Variants in WDR45B observed in about 807,000 individuals in gnomAD.
WDR45B encodes the protein WD repeat domain phosphoinositide-interacting protein 3.
In WDR45B, 20 loss-of-function variants were observed where a neutral mutation model predicts 44.6. That is an observed-to-expected ratio of 0.45 (90% CI 0.32 to 0.65). The LOEUF (loss-of-function observed/expected upper bound fraction) is 0.65, where lower values mean the gene tolerates loss of function less well. WDR45B is among the 30% of genes least tolerant of loss of function. The pLI, the probability that WDR45B is intolerant of heterozygous loss-of-function variation, is 0.05. For missense variants in WDR45B, 323 were observed against 430.2 expected, an observed-to-expected ratio of 0.75 and a Z score of 2.20; for synonymous variants, 169 against 164.9, an observed-to-expected ratio of 1.02 and a Z score of -0.19.
At chr17:82,632,983 T>G (rs1162881735) in intron 2 of WDR45B, among the ~76,000 whole-genome samples, 1 of 152,056 alleles carries the variant, frequency 6.6e-6, no homozygotes, top group Non-Finnish European at 1.5e-5. Context: ...GCCAACATAG[T>G]GAAACTCCGT....
chr17:82,620,643 C>T (rs1028741025), intron 6 of WDR45B, among the ~76,000 whole-genome samples: 1 of 152,126 alleles, frequency 6.6e-6, no homozygotes, highest in African/African-American at 2.4e-5. Context: ...CACCGGCTTG[C>T]GGTCTCACCT....
At chr17:82,625,295 T>A in intron 5 of WDR45B, 94 bp downstream of exon 5, 1 of 1,283,374 alleles carries the variant, frequency 7.8e-7, no homozygotes, top group Non-Finnish European at 1.1e-6. Context: ...GCCAAGCACT[T>A]TGCTCAGAGA....
At position 82,644,108 on chromosome 17, in the gene WDR45B, G is replaced by C. The variant is rs966465274; in HGVS notation, c.68-85C>G. ...GGTCTGGAGAAATGACAACTACTGA[G>C]AACTCTTGCAGATGCTCAAACCACA... On this transcript the variant is annotated intron_variant, in intron 1 of 9. Coordinates refer to ENST00000392325, the MANE Select transcript of WDR45B (RefSeq NM_019613.4). The C allele has an allele frequency of 4.5e-6, 6 of 1,324,030 alleles. No individual in the cohort carries two copies. In the African/African-American group the frequency reaches 8.8e-5, roughly 19 times the overall value. The allele number at this position is 1,324,030 out of a possible 1,614,324, so 82.0% of individuals were successfully genotyped here.
intron 2 of WDR45B, among the ~76,000 whole-genome samples, chr17:82,631,286 T>TTTA (rs1361969933): frequency 7.0e-6 from 1 of 142,408 alleles, no homozygotes; most frequent in Non-Finnish European, 1.5e-5. Context: ...CATTTTTTTT[T>TTTA]TTTTTTTTTT....
rs2143230757 is a variant in WDR45B at position 82,615,573 on chromosome 17, T to C, written c.*346A>G. 2 of 367,180 alleles carry C rather than the reference T, an allele frequency of 5.4e-6. No homozygotes were observed. The highest frequency in any genetic ancestry group is 5.4e-5 in the South Asian group (2 of 36,836). 22.7% of individuals were successfully genotyped at this position (367,180 alleles called of 1,614,324 possible). A position where few individuals can be genotyped will look rare whatever the true frequency, so the allele number is the denominator to read the frequency against. ...TGCTGCAAAAACAAACCTGAACTCG[T>C]CCACCCTCTCAGCCCAGTCCCCAGG... is the stretch of plus-strand genomic sequence containing the variant. On this transcript the variant is annotated 3_prime_UTR_variant, in exon 10 of 10. Transcript: ENST00000392325.
At chr17:82,639,849 C>A (rs1194173739) in intron 2 of WDR45B, among the ~76,000 whole-genome samples, 4 of 117,864 alleles carry the variant, frequency 3.4e-5, no homozygotes, top group Non-Finnish European at 5.1e-5. Flanking sequence ...GGCTGTGTGT[C>A]GGGTCAGGTG....
At chr17:82,618,480 T>G (rs1279664629) in intron 7 of WDR45B, among the ~76,000 whole-genome samples, 2 of 152,060 alleles carry the variant, frequency 1.3e-5, no homozygotes, top group Non-Finnish European at 2.9e-5. Flanking sequence ...AGAGCGCTGG[T>G]GACGAGATGA....
At position 82,630,808 on chromosome 17, in the gene WDR45B, A is replaced by G. The variant is rs996516904; in HGVS notation, c.244+113T>C. 16 of 1,070,546 alleles carry G rather than the reference A, an allele frequency of 1.5e-5. No homozygotes were observed. In the Admixed American group the frequency reaches 1.7e-4, roughly 11 times the overall value. The allele number at this position is 1,070,546 out of a possible 1,614,324, so 66.3% of individuals were successfully genotyped here. A position where few individuals can be genotyped will look rare whatever the true frequency, so the allele number is the denominator to read the frequency against. On this transcript the variant is annotated intron_variant, in intron 3 of 9. Coordinates refer to ENST00000392325, the MANE Select transcript of WDR45B (RefSeq NM_019613.4). ...CTTCCTCCCCAGTGACCAGTCCTGG[A>G]TATTTCACAGAACTACTAGGGAAAA...
chr17:82,648,255 C>G lies in WDR45B; in HGVS notation c.67+19G>C. The G allele has an allele frequency of 6.2e-7, 1 of 1,600,260 alleles. No individual in the cohort carries two copies. Among genetic ancestry groups the G allele is most frequent in the Non-Finnish European group, 8.5e-7 (1 of 1,175,464 alleles). ...GGGAAGGCCCGGCCGGGCAAGGCGA[C>G]AGGGCCGCGCCTCCTCACCGTGGTC... is the stretch of plus-strand genomic sequence containing the variant. On this transcript the variant is annotated intron_variant, in intron 1 of 9. Coordinates refer to ENST00000392325, the MANE Select transcript of WDR45B (RefSeq NM_019613.4).
chr17:82,631,879 C>T (rs987585327), intron 2 of WDR45B, among the ~76,000 whole-genome samples: 6 of 151,830 alleles, frequency 4.0e-5, no homozygotes, highest in Non-Finnish European at 8.8e-5. Context: ...GGTCAAGAGA[C>T]TGAGACCATC....
intron 8 of WDR45B, 51 bp from the exon 9 acceptor site, chr17:82,616,696 T>A (rs1294862682): frequency 6.2e-7 from 1 of 1,611,504 alleles, no homozygotes; most frequent in East Asian, 2.2e-5. Flanking sequence ...GGAAAAAAAA[T>A]CACCTGCGTA....
At chr17:82,623,293 A>C (rs1487782198) in intron 5 of WDR45B, among the ~76,000 whole-genome samples, 1 of 150,952 alleles carries the variant, frequency 6.6e-6, no homozygotes, top group Non-Finnish European at 1.5e-5. Flanking sequence ...GGACTGAGGC[A>C]GGAGAATCGC....
chr17:82,621,849 A>G (rs373660261), intron 5 of WDR45B, 50 bp from the exon 6 acceptor site: 1 of 1,602,502 alleles, frequency 6.2e-7, no homozygotes, highest in African/African-American at 1.3e-5. Context: ...GATTTCTCAC[A>G]GCCAAAGTCC....
intron 2 of WDR45B, among the ~76,000 whole-genome samples, chr17:82,637,327 T>C (rs1314114621): frequency 1.3e-5 from 2 of 152,082 alleles, no homozygotes; most frequent in African/African-American, 2.4e-5. Flanking sequence ...TGAGGAAAAC[T>C]TGAGGTACAC....
At chr17:82,647,143 G>A (rs2045988431) in intron 1 of WDR45B, among the ~76,000 whole-genome samples, 1 of 152,164 alleles carries the variant, frequency 6.6e-6, no homozygotes, top group Admixed American at 6.5e-5. Context: ...GCAGGAGAAT[G>A]GCGTGAACCC....
At chr17:82,628,707 A>G (rs1012306371) in intron 3 of WDR45B, among the ~76,000 whole-genome samples, 3 of 152,054 alleles carry the variant, frequency 2.0e-5, no homozygotes, top group Non-Finnish European at 4.4e-5. Context: ...AAAAAAACAC[A>G]CAAAAAACAC....
At chr17:82,647,665 A>G (rs2045996885) in intron 1 of WDR45B, among the ~76,000 whole-genome samples, 1 of 151,462 alleles carries the variant, frequency 6.6e-6, no homozygotes, top group African/African-American at 2.4e-5. Context: ...GGGTGGGGAG[A>G]GTGACATTTT....
chr17:82,619,093 C>T lies in WDR45B; in HGVS notation c.654G>A (p.Gly218=). 6.2e-7 allele frequency: 1 copy of T among 1,614,176 alleles called. No individual in the cohort carries two copies. The highest frequency in any genetic ancestry group is 1.1e-5 in the South Asian group (1 of 91,090). Residue 218 remains glycine (G), a synonymous_variant, in exon 7 of 10, where the codon GGG becomes GGA. Transcript: ENST00000392325. ...TLIRIFDTSS[G]HLIQELRRGS... is the part of the protein sequence containing the mutation. ...CTCTTCGCAGTTCCTGGATTAAATG[C>T]CCTGATGAAGTATCAAATATTCTTA...
chr17:82,638,679 C>G (rs1315811008), intron 2 of WDR45B, among the ~76,000 whole-genome samples: 1 of 152,006 alleles, frequency 6.6e-6, no homozygotes, highest in African/African-American at 2.4e-5. Flanking sequence ...TTGCCTCTGT[C>G]ATGTCGTGCA....
Sources: allele counts gnomAD v4.1 joint callset (sites outside exome capture counted in the v4.1 genomes callset), GRCh38; gene constraint gnomAD v4.1.1; transcripts MANE v1.5; gene names NCBI Gene and HGNC (gene_info 2026-07-23, HGNC 2026-07-21).